The following TMEM132D variants were observed in gnomAD, a reference collection of about 807,000 sequenced individuals.
TMEM132D encodes transmembrane protein 132D.
In TMEM132D, 21 loss-of-function variants were observed where a neutral mutation model predicts 62.3. The observed-to-expected ratio is 0.34, with a 90% CI of 0.24 to 0.49. The LOEUF is 0.49. Among genes scored for constraint, TMEM132D ranks in the 20% least tolerant of loss-of-function variants. The pLI is 0.99. For synonymous variants in TMEM132D, 621 were observed against 575.6 expected (o/e 1.08, Z -1.13); for missense variants, 1,346 against 1,402.8 (o/e 0.96, Z 0.65).
intron 1 of TMEM132D, among the ~76,000 whole-genome samples, chr12:129,814,915 T>G (rs1032913579): frequency 8.5e-5 from 13 of 152,138 alleles, no homozygotes; most frequent in African/African-American, 3.1e-4. Context: ...CAGGGGCTGT[T>G]CCAGACAAAC....
chr12:129,487,893 C>T (rs80148598), intron 3 of TMEM132D, among the ~76,000 whole-genome samples: 16 of 132,920 alleles, frequency 1.2e-4, no homozygotes, highest in South Asian at 7.6e-4. Context: ...GCAGAGATTG[C>T]GCCACTGTAC....
chr12:129,255,247 A>G (rs930142514), intron 4 of TMEM132D, among the ~76,000 whole-genome samples: 6 of 152,164 alleles, frequency 3.9e-5, no homozygotes, highest in African/African-American at 9.7e-5. Context: ...TTTTCTTTAT[A>G]ATTATGCAGC....
intron 4 of TMEM132D, among the ~76,000 whole-genome samples, chr12:129,305,700 T>C (rs1007254408): frequency 2.0e-5 from 3 of 152,184 alleles, no homozygotes; most frequent in Admixed American, 2.0e-4. Context: ...TCAGGTTTCT[T>C]AATCTCTCTG....
intron 4 of TMEM132D, among the ~76,000 whole-genome samples, chr12:129,334,577 G>A (rs1002410784): frequency 4.6e-5 from 7 of 152,162 alleles, no homozygotes; most frequent in Non-Finnish European, 1.0e-4. Flanking sequence ...GCCACTCAGA[G>A]CCCATTGCTA....
chr12:129,630,995 C>A (rs565949945), intron 2 of TMEM132D, among the ~76,000 whole-genome samples: 3 of 152,054 alleles, frequency 2.0e-5, no homozygotes, highest in Non-Finnish European at 4.4e-5. Context: ...TGGAATCAAT[C>A]GGAATGCCCA....
rs200913999 is a variant in TMEM132D, at chr12:129,399,893, GT to G, written c.1116-62077del. On this transcript the variant is annotated intron_variant, in intron 3 of 8. Transcript: ENST00000422113. ...GTTGTGTGTGTGCGTGTGTGTGTGT[GT>G]GGGGGGGTATATACATTTTTCATAT... Among the ~76,000 whole-genome samples, 330 of 144,826 alleles carry G rather than the reference GT, an allele frequency of 2.3e-3. 2 individuals carry two copies. The highest frequency in any genetic ancestry group is 9.1e-3 in the African/African-American group (315 of 34,656).
chr12:129,535,861 G>A lies in TMEM132D; in HGVS notation c.969-4656C>T, dbSNP rs1024119989. ...GAGAGAGCAAAGAGAAAGGAAGGGGGACAGGGAGAGAAGTTTTGCTATATA... is the reference window on the plus strand; with the variant it reads ...GAGAGAGCAAAGAGAAAGGAAGGGGAACAGGGAGAGAAGTTTTGCTATATA... On this transcript the variant is annotated intron_variant, in intron 2 of 8. Coordinates refer to ENST00000422113, the MANE Select transcript of TMEM132D (RefSeq NM_133448.3). 1.3e-4 allele frequency among the ~76,000 whole-genome samples: 19 copies of A among 151,904 alleles called. 1 individual carries two copies. The highest frequency in any genetic ancestry group is 3.4e-4 in the African/African-American group (14 of 41,428).
At chr12:129,386,124 C>T (rs78382034) in intron 3 of TMEM132D, among the ~76,000 whole-genome samples, 6 of 152,258 alleles carry the variant, frequency 3.9e-5, no homozygotes, top group Non-Finnish European at 8.8e-5. Flanking sequence ...CACCCTTGAT[C>T]TCATGTTAAC....
intron 2 of TMEM132D, among the ~76,000 whole-genome samples, chr12:129,531,754 C>T (rs1366604043): frequency 6.6e-6 from 1 of 152,178 alleles, no homozygotes; most frequent in Non-Finnish European, 1.5e-5. Context: ...CTGCCTCAGC[C>T]TCCCAAAGTG....
chr12:129,780,159 C>T (rs949778241), intron 1 of TMEM132D, among the ~76,000 whole-genome samples: 11 of 152,062 alleles, frequency 7.2e-5, no homozygotes, highest in African/African-American at 2.2e-4. Flanking sequence ...GCCCGAGCAC[C>T]GGTCGCTTTT....
intron 3 of TMEM132D, among the ~76,000 whole-genome samples, chr12:129,450,063 G>GT (rs1239343425): frequency 6.6e-6 from 1 of 151,974 alleles, no homozygotes; most frequent in African/African-American, 2.4e-5. Flanking sequence ...TTCTGCACGG[G>GT]TTTTTTTCTC....
intron 4 of TMEM132D, among the ~76,000 whole-genome samples, chr12:129,243,356 C>T (rs1303782945): frequency 6.6e-6 from 1 of 151,806 alleles, no homozygotes; most frequent in East Asian, 1.9e-4. Context: ...ATGAACAAGT[C>T]TATTATTATT....
chr12:129,501,564 G>C (rs1321560837), intron 3 of TMEM132D, among the ~76,000 whole-genome samples: 1 of 151,830 alleles, frequency 6.6e-6, no homozygotes, highest in Non-Finnish European at 1.5e-5. Context: ...GGAGTGCAGG[G>C]TGTGACCACG....
chr12:129,152,280 G>T (rs1274058608), intron 5 of TMEM132D, among the ~76,000 whole-genome samples: 1 of 152,180 alleles, frequency 6.6e-6, no homozygotes, highest in African/African-American at 2.4e-5. Context: ...TGGGGGTGTT[G>T]TCACAGAGCA....
At chr12:129,457,140 C>T (rs888802140) in intron 3 of TMEM132D, among the ~76,000 whole-genome samples, 4 of 151,770 alleles carry the variant, frequency 2.6e-5, no homozygotes, top group South Asian at 2.1e-4. Context: ...CACATGCACA[C>T]GTATGTTTAT....
chr12:129,434,216 C>G (rs1434995406), intron 3 of TMEM132D, among the ~76,000 whole-genome samples: 3 of 152,182 alleles, frequency 2.0e-5, no homozygotes, highest in Non-Finnish European at 4.4e-5. Flanking sequence ...AACTCCCTCC[C>G]TTCTGGGATT....
At chr12:129,256,713 C>T (rs546598779) in intron 4 of TMEM132D, among the ~76,000 whole-genome samples, 3 of 152,196 alleles carry the variant, frequency 2.0e-5, no homozygotes, top group South Asian at 2.1e-4. Context: ...TGCACCATCA[C>T]GTCTAGCTAA....
intron 3 of TMEM132D, among the ~76,000 whole-genome samples, chr12:129,425,987 G>A (rs974534539): frequency 2.6e-5 from 4 of 152,174 alleles, no homozygotes; most frequent in African/African-American, 7.2e-5. Flanking sequence ...GTTGCTATGG[G>A]TAGTGCCCAG....
chr12:129,811,773 A>C (rs1294183846), intron 1 of TMEM132D, among the ~76,000 whole-genome samples: 1 of 151,648 alleles, frequency 6.6e-6, no homozygotes, highest in African/African-American at 2.4e-5. Flanking sequence ...TTGAAGATGG[A>C]GGGGACCCCA....
Sources: gnomAD v4.1 joint callset for allele counts (sites outside exome capture counted in the v4.1 genomes callset) on GRCh38, gnomAD v4.1.1 for gene constraint, MANE v1.5 for transcripts, NCBI Gene and HGNC (gene_info 2026-07-23, HGNC 2026-07-21) for gene names.